Variants in PKD2L2 observed in about 807,000 individuals in gnomAD.
The protein encoded by PKD2L2 is polycystin 2 like 2, transient receptor potential cation channel, also known as polycystin-2-like protein 2.
Under a neutral mutation model 83.9 loss-of-function variants are expected in PKD2L2, and 67 were observed. That is an observed-to-expected ratio of 0.80 (90% CI 0.66 to 0.98). PKD2L2 has a LOEUF of 0.98. PKD2L2 is among the 50% of genes least tolerant of loss of function. The pLI is 0.00. For missense variants in PKD2L2, 632 were observed against 717.2 expected, an observed-to-expected ratio of 0.88 and a Z score of 1.36; for synonymous variants, 223 against 237.8, an observed-to-expected ratio of 0.94 and a Z score of 0.57.
rs536052619 is a variant in PKD2L2, at chr5:137,934,731, G to C, written c.1672-1066G>C. On this transcript the variant is annotated intron_variant, in intron 12 of 14. Coordinates refer to ENST00000508883, the MANE Select transcript of PKD2L2 (RefSeq NM_001300921.2). ...GGAGGCTGAGGAAGGAGAATCCTTT[G>C]AACCCGGGAGGGGTGGTTAGCATTC... Among the ~76,000 whole-genome samples, 21 of 152,284 alleles carry C rather than the reference G, an allele frequency of 1.4e-4. 1 individual carries two copies.
chr5:137,899,979 T>G (rs1055077319), intron 5 of PKD2L2, among the ~76,000 whole-genome samples: 18 of 152,208 alleles, frequency 1.2e-4, no homozygotes, highest in African/African-American at 2.9e-4. Flanking sequence ...AGGCATGTCA[T>G]GAATGCATAA....
At chr5:137,923,595 C>T in intron 10 of PKD2L2, 74 bp downstream of exon 10, 3 of 779,818 alleles carry the variant, frequency 3.8e-6, no homozygotes, top group South Asian at 1.4e-5. Flanking sequence ...AGTTTGAATA[C>T]CACTTAATTC....
intron 8 of PKD2L2, among the ~76,000 whole-genome samples, chr5:137,921,309 C>T (rs971304803): frequency 2.7e-5 from 4 of 149,184 alleles, no homozygotes; most frequent in African/African-American, 9.9e-5. Context: ...TGCAGTGAGC[C>T]GAGATAGCAC....
intron 8 of PKD2L2, among the ~76,000 whole-genome samples, chr5:137,909,877 A>G (rs1757672977): frequency 6.6e-6 from 1 of 152,072 alleles, no homozygotes. Context: ...CTCCATCTTA[A>G]TATTTTTATT....
chr5:137,923,264 C>A (rs533299726), intron 9 of PKD2L2, among the ~76,000 whole-genome samples, 156 bp from the exon 10 acceptor site: 2 of 152,164 alleles, frequency 1.3e-5, no homozygotes, highest in African/African-American at 2.4e-5. Flanking sequence ...GATTCACTCA[C>A]CTTGGTCTCC....
intron 3 of PKD2L2, among the ~76,000 whole-genome samples, chr5:137,893,825 G>C (rs1422619995): frequency 6.6e-6 from 1 of 152,180 alleles, no homozygotes; most frequent in South Asian, 2.1e-4. Flanking sequence ...AAAAGAGGTG[G>C]AGGTCACCTT....
chr5:137,899,566 T>C lies in PKD2L2; in HGVS notation c.575T>C (p.Leu192Pro), dbSNP rs374955032. 1 of 1,613,776 alleles carries C rather than the reference T, an allele frequency of 6.2e-7. No individual in the cohort carries two copies. Among genetic ancestry groups the C allele is most frequent in the African/African-American group, 1.3e-5 (1 of 74,936 alleles). ...AACTCCCCTTGGCACTGGGGATTTC[T>C]TGGTGTTTACCGAAATGGGGGATAC... Reference protein sequence around the residue: ...NTNSPWHWGFLGVYRNGGYIF... With the variant: ...NTNSPWHWGFPGVYRNGGYIF... Residue 192 changes from leucine to proline, a missense_variant, in exon 5 of 15, where the codon CTT becomes CCT. Physicochemically the swap from Leu to Pro is moderately conservative, Grantham distance 98 (BLOSUM62 -3). Transcript: ENST00000508883.
chr5:137,928,418 T>G (rs1580986146), intron 12 of PKD2L2, among the ~76,000 whole-genome samples: 1 of 151,582 alleles, frequency 6.6e-6, no homozygotes, highest in Non-Finnish European at 1.5e-5. Context: ...AAGAATATCA[T>G]TTAGAATTAA....
At chr5:137,917,922 G>A (rs1010287243) in intron 8 of PKD2L2, among the ~76,000 whole-genome samples, 1 of 152,100 alleles carries the variant, frequency 6.6e-6, no homozygotes, top group African/African-American at 2.4e-5. Context: ...ACCAGGCTGG[G>A]TGTGGTGGCT....
intron 4 of PKD2L2, among the ~76,000 whole-genome samples, chr5:137,898,658 G>C (rs1188730512): frequency 6.6e-6 from 1 of 151,968 alleles, no homozygotes; most frequent in Non-Finnish European, 1.5e-5. Flanking sequence ...GCCTCAAGCA[G>C]TCCTCTCATC....
At chr5:137,927,291 C>T (rs1310776210) in intron 12 of PKD2L2, among the ~76,000 whole-genome samples, 2 of 152,170 alleles carry the variant, frequency 1.3e-5, no homozygotes, top group Admixed American at 1.3e-4. Flanking sequence ...GAATTAGCAT[C>T]CTTTCTGTGA....
At chr5:137,936,254 T>C in intron 13 of PKD2L2, 66 bp from the exon 14 acceptor site, 1 of 1,414,620 alleles carries the variant, frequency 7.1e-7, no homozygotes, top group Admixed American at 2.0e-5. Flanking sequence ...TTCGCACTAG[T>C]AACTTGCTGT....
At chr5:137,891,599 AAG>A (rs1451319182) in intron 2 of PKD2L2, among the ~76,000 whole-genome samples, 2 of 152,238 alleles carry the variant, frequency 1.3e-5, no homozygotes, top group Non-Finnish European at 2.9e-5. Context: ...TGTAAGTAAA[AAG>A]ATCATTTATA....
rs536898182 is a variant in PKD2L2 at position 137,911,216 on chromosome 5, T to C, written c.1328+2270T>C. Reference sequence around the variant, plus strand: ...GGTACCACCTGTAAGTGGAATCATATGTTATTTGTCTTTTTGTGACTGGAT... The same window carrying C: ...GGTACCACCTGTAAGTGGAATCATACGTTATTTGTCTTTTTGTGACTGGAT... On this transcript the variant is annotated intron_variant, in intron 8 of 14. Transcript: ENST00000508883. 2.6e-5 allele frequency among the ~76,000 whole-genome samples: 4 copies of C among 152,340 alleles called. No homozygotes were observed. In the South Asian group the frequency reaches 8.3e-4, roughly 32 times the overall value.
intron 5 of PKD2L2, 74 bp downstream of exon 5, chr5:137,899,811 C>T (rs967222787): frequency 5.5e-6 from 4 of 733,752 alleles, no homozygotes; most frequent in South Asian, 3.6e-5. Context: ...TACAGTTGAC[C>T]CTTGAACCAC....
intron 12 of PKD2L2, among the ~76,000 whole-genome samples, chr5:137,928,109 T>C (rs1759526542): frequency 6.6e-6 from 1 of 152,170 alleles, no homozygotes; most frequent in Admixed American, 6.5e-5. Context: ...ACACCTACAA[T>C]ATATTCAAGG....
chr5:137,920,895 A>C (rs1758836837), intron 8 of PKD2L2, among the ~76,000 whole-genome samples: 2 of 152,216 alleles, frequency 1.3e-5, no homozygotes, highest in Admixed American at 6.5e-5. Context: ...TTAAGACAAA[A>C]ATTCACTTCA....
chr5:137,894,414 T>C lies in PKD2L2; in HGVS notation c.329T>C (p.Leu110Pro). Residue 110 changes from leucine to proline, a missense_variant, in exon 4 of 15, where the codon CTG (leucine) becomes CCG (proline). By Grantham distance (98) the Leu-to-Pro change is moderately conservative. Transcript: ENST00000508883. ...YWDSWYNNQQ[L>P]YNLKNSSRIY... Reference sequence around the variant, plus strand: ...GATTCATGGTACAATAACCAGCAGCTGTATAATTTAAAGAACAGCAGTCGC... The same window carrying C: ...GATTCATGGTACAATAACCAGCAGCCGTATAATTTAAAGAACAGCAGTCGC... 1 of 1,612,442 alleles carries C rather than the reference T, an allele frequency of 6.2e-7. No individual in the cohort carries two copies. Among genetic ancestry groups the C allele is most frequent in the Non-Finnish European group, 8.5e-7 (1 of 1,179,236 alleles).
chr5:137,941,937 A>C (rs995702694), intron 14 of PKD2L2: 25 of 1,611,358 alleles, frequency 1.6e-5, no homozygotes, highest in Non-Finnish European at 2.1e-5. Context: ...TGTGATGCTC[A>C]ACAAACCTTC....
Sources: allele counts gnomAD v4.1 joint callset (sites outside exome capture counted in the v4.1 genomes callset), GRCh38; gene constraint gnomAD v4.1.1; transcripts MANE v1.5; gene names NCBI Gene and HGNC (gene_info 2026-07-23, HGNC 2026-07-21).